Variants in SLCO3A1 observed in about 807,000 individuals in gnomAD.
SLCO3A1 encodes solute carrier organic anion transporter family member 3A1.
Under a neutral mutation model 63.1 loss-of-function variants are expected in SLCO3A1, and 27 were observed. The ratio of observed to expected loss-of-function variants is 0.43; its 90% confidence interval spans 0.32 to 0.59. SLCO3A1 has a LOEUF of 0.59. Among genes scored for constraint, SLCO3A1 ranks in the 20% least tolerant of loss-of-function variants. The probability of loss-of-function intolerance (pLI) is 0.09; values close to 1 mark genes in which losing one functional copy is unlikely to be tolerated. For missense variants in SLCO3A1, 773 were observed against 945.8 expected (o/e 0.82, Z 2.40); for synonymous variants, 473 against 409.9 (o/e 1.15, Z -1.86).
intron 2 of SLCO3A1, among the ~76,000 whole-genome samples, chr15:91,956,577 G>C (rs1248423296): frequency 2.0e-5 from 3 of 152,038 alleles, no homozygotes; most frequent in East Asian, 3.9e-4. Context: ...TGAGCAAGCA[G>C]AGGGGAATTT....
chr15:92,024,890 C>T (rs2046552354), intron 2 of SLCO3A1, among the ~76,000 whole-genome samples: 9 of 152,044 alleles, frequency 5.9e-5, no homozygotes, highest in Admixed American at 5.9e-4. Flanking sequence ...CCCACCCATC[C>T]GTCTACCTAC....
intron 2 of SLCO3A1, among the ~76,000 whole-genome samples, chr15:91,974,265 G>GTTGTTGATGTTATTA: frequency 7.0e-6 from 1 of 142,958 alleles, no homozygotes; most frequent in Non-Finnish European, 1.5e-5. Context: ...TTTCATTATT[G>GTTGTTGATGTTATTA]TTATTATTAT....
chr15:91,887,443 C>A (rs1897754326), intron 1 of SLCO3A1, among the ~76,000 whole-genome samples: 1 of 152,186 alleles, frequency 6.6e-6, no homozygotes, highest in African/African-American at 2.4e-5. Context: ...ACCCTGCACC[C>A]TTGAGGCACC....
intron 2 of SLCO3A1, among the ~76,000 whole-genome samples, chr15:92,022,988 G>A (rs1372968098): frequency 6.6e-6 from 1 of 151,544 alleles, no homozygotes; most frequent in Non-Finnish European, 1.5e-5. Flanking sequence ...GTAGCCAGAA[G>A]TCATCGAATC....
chr15:92,118,845 C>T (rs1487994046), intron 4 of SLCO3A1, among the ~76,000 whole-genome samples: 1 of 152,178 alleles, frequency 6.6e-6, no homozygotes, highest in Admixed American at 6.5e-5. Flanking sequence ...ACTTTATGAT[C>T]GCAGCAGCAC....
intron 7 of SLCO3A1, among the ~76,000 whole-genome samples, chr15:92,140,907 C>T (rs1025823030): frequency 2.6e-5 from 4 of 152,166 alleles, no homozygotes; most frequent in African/African-American, 7.2e-5. Context: ...TATCAATGAG[C>T]ATCCAGACTG....
intron 2 of SLCO3A1, among the ~76,000 whole-genome samples, chr15:92,015,231 G>A (rs770437326): frequency 6.6e-6 from 1 of 152,068 alleles, no homozygotes; most frequent in Non-Finnish European, 1.5e-5. Flanking sequence ...CTGTTGGCGG[G>A]TGTATTCATC....
chr15:92,092,723 G>C (rs1567115435), intron 2 of SLCO3A1, among the ~76,000 whole-genome samples: 1 of 151,994 alleles, frequency 6.6e-6, no homozygotes, highest in South Asian at 2.1e-4. Flanking sequence ...CCACTAAATA[G>C]AGCCCCCTAA....
intron 7 of SLCO3A1, among the ~76,000 whole-genome samples, chr15:92,136,233 T>A (rs2048055571): frequency 1.3e-5 from 2 of 152,200 alleles, no homozygotes; most frequent in African/African-American, 4.8e-5. Flanking sequence ...AGGCTCGTAA[T>A]ACAAATATCC....
intron 4 of SLCO3A1, among the ~76,000 whole-genome samples, chr15:92,119,154 C>T (rs755853577): frequency 6.6e-6 from 1 of 152,100 alleles, no homozygotes; most frequent in Non-Finnish European, 1.5e-5. Context: ...TACGTCATAC[C>T]ATAATTTAGG....
chr15:92,132,064 C>G (rs180831837), intron 7 of SLCO3A1, among the ~76,000 whole-genome samples: 4 of 145,924 alleles, frequency 2.7e-5, no homozygotes, highest in Non-Finnish European at 6.1e-5. Flanking sequence ...AGGCCCTGTA[C>G]TGACCTCAGA....
intron 7 of SLCO3A1, among the ~76,000 whole-genome samples, chr15:92,130,880 C>T (rs1324090896): frequency 1.4e-4 from 11 of 78,154 alleles, no homozygotes; most frequent in East Asian, 4.4e-4. Flanking sequence ...TCTCCAAGTT[C>T]GGGGCAAAAA....
intron 2 of SLCO3A1, among the ~76,000 whole-genome samples, chr15:92,091,499 C>T (rs1243251586): frequency 6.6e-6 from 1 of 152,182 alleles, no homozygotes. Context: ...AAGGGGGAAA[C>T]CAAGGAAGAA....
chr15:92,002,848 ATG>A (rs2046271436), intron 2 of SLCO3A1, among the ~76,000 whole-genome samples: 1 of 152,128 alleles, frequency 6.6e-6, no homozygotes, highest in African/African-American at 2.4e-5. Context: ...ATAATATTAC[ATG>A]CACTGTGCTG....
intron 2 of SLCO3A1, among the ~76,000 whole-genome samples, chr15:91,997,561 CA>C (rs1333208201): frequency 1.3e-5 from 2 of 152,198 alleles, no homozygotes; most frequent in East Asian, 3.9e-4. Flanking sequence ...CAATCCTAAG[CA>C]AAAAGACCAA....
chr15:91,899,296 G>A (rs1898091459), intron 1 of SLCO3A1, among the ~76,000 whole-genome samples: 1 of 152,152 alleles, frequency 6.6e-6, no homozygotes, highest in Non-Finnish European at 1.5e-5. Flanking sequence ...TTTTGCAGGC[G>A]TTTCCCTAAC....
rs151201394 is a variant in SLCO3A1, at chr15:91,872,969, G to C, written c.180+18881G>C. Among the ~76,000 whole-genome samples, 2 of 152,306 alleles carry C rather than the reference G, an allele frequency of 1.3e-5. No homozygotes were observed. Among genetic ancestry groups the C allele is most frequent in the South Asian group, 2.1e-4 (1 of 4,834 alleles). On this transcript the variant is annotated intron_variant, in intron 1 of 9. Coordinates refer to ENST00000318445, the MANE Select transcript of SLCO3A1 (RefSeq NM_013272.4). This position sits in a 1 kb window ranked among gnomAD's most constrained non-coding sequence, Gnocchi z 4.1. The stretch of plus-strand genomic sequence containing the variant: ...CCCTGCTCCTGGCATGCAGCTACCT[G>C]CGTGCTCAGCACTCACCTGCGTTCC...
intron 7 of SLCO3A1, among the ~76,000 whole-genome samples, chr15:92,136,495 T>C (rs531488932): frequency 1.3e-5 from 2 of 152,356 alleles, no homozygotes; most frequent in South Asian, 4.1e-4. Context: ...CATTTTTCTA[T>C]TTTTGTGGTC....
At chr15:92,035,904 G>A (rs2046719660) in intron 2 of SLCO3A1, among the ~76,000 whole-genome samples, 1 of 151,822 alleles carries the variant, frequency 6.6e-6, no homozygotes, top group Non-Finnish European at 1.5e-5. Context: ...CCTGGAGGCT[G>A]GTCCCATCCT....
Sources: gnomAD v4.1 joint callset for allele counts (sites outside exome capture counted in the v4.1 genomes callset) on GRCh38, gnomAD v4.1.1 for gene constraint, Gnocchi (gnomAD v3.1) non-coding constraint, MANE v1.5 for transcripts, NCBI Gene and HGNC (gene_info 2026-07-23, HGNC 2026-07-21) for gene names.